The following GPC5 variants were observed in gnomAD, a reference collection of about 807,000 sequenced individuals.
The protein encoded by GPC5 is glypican 5, also known as glypican-5.
In GPC5, 47 loss-of-function variants were observed where a neutral mutation model predicts 53.9. That is an observed-to-expected ratio of 0.87 (90% CI 0.69 to 1.11). GPC5 has a LOEUF of 1.11. Among genes scored for constraint, GPC5 ranks in the 50% most tolerant of loss-of-function variants. The pLI is 0.00. For synonymous variants in GPC5, 286 were observed against 263.3 expected, an observed-to-expected ratio of 1.09 and a Z score of -0.84; for missense variants, 748 against 713.1, an observed-to-expected ratio of 1.05 and a Z score of -0.56.
intron 2 of GPC5, among the ~76,000 whole-genome samples, chr13:91,644,514 G>T (rs1279456258): frequency 2.0e-5 from 3 of 152,090 alleles, no homozygotes; most frequent in Non-Finnish European, 4.4e-5. Context: ...TTCATTTTCA[G>T]TTTTCTGTGA....
At position 91,756,653 on chromosome 13, in the gene GPC5, A is replaced by G. The variant is rs546271536; in HGVS notation, c.1280+233A>G. 2.8e-4 allele frequency among the ~76,000 whole-genome samples: 42 copies of G among 151,910 alleles called. 1 individual carries two copies. The South Asian group carries it at 6.0e-3, about 22-fold the overall frequency. ...ATTTTGAAAGTCTTCTCTTTTACCT[A>G]TCTATGACTTACCAACAATCCTACT... On this transcript the variant is annotated intron_variant, in intron 5 of 7. Coordinates refer to ENST00000377067, the MANE Select transcript of GPC5 (RefSeq NM_004466.6).
intron 2 of GPC5, among the ~76,000 whole-genome samples, chr13:91,658,867 C>T (rs1416250429): frequency 6.6e-6 from 1 of 152,014 alleles, no homozygotes; most frequent in African/African-American, 2.4e-5. Flanking sequence ...CTGCTCTGAT[C>T]TTTAGATCTC....
chr13:92,741,154 C>G (rs921865285), intron 7 of GPC5, among the ~76,000 whole-genome samples: 1 of 150,242 alleles, frequency 6.7e-6, no homozygotes, highest in Non-Finnish European at 1.5e-5. Flanking sequence ...TATTGAAAGG[C>G]CTTTAAGGGG....
At chr13:91,740,701 A>G (rs2036915660) in intron 4 of GPC5, among the ~76,000 whole-genome samples, 1 of 152,318 alleles carries the variant, frequency 6.6e-6, no homozygotes, top group Admixed American at 6.5e-5. Flanking sequence ...CCAGCAAAGC[A>G]TCACAATTTT....
chr13:92,127,676 G>C (rs567446737), intron 6 of GPC5, among the ~76,000 whole-genome samples: 1 of 152,300 alleles, frequency 6.6e-6, no homozygotes, highest in African/African-American at 2.4e-5. Flanking sequence ...GCCTAGTACA[G>C]GGACATGAAC....
intron 2 of GPC5, among the ~76,000 whole-genome samples, chr13:91,626,123 T>C (rs956800328): frequency 3.3e-5 from 5 of 152,122 alleles, no homozygotes; most frequent in African/African-American, 7.2e-5. Context: ...TGTTTTTCTT[T>C]TTTACCTAAA....
intron 3 of GPC5, among the ~76,000 whole-genome samples, chr13:91,702,667 C>G (rs1008839924): frequency 1.3e-5 from 2 of 151,748 alleles, no homozygotes; most frequent in African/African-American, 4.8e-5. Context: ...TTCTCTATTT[C>G]TGTGAAAAAT....
intron 6 of GPC5, among the ~76,000 whole-genome samples, chr13:91,929,277 A>G (rs1258432019): frequency 6.6e-6 from 1 of 152,160 alleles, no homozygotes; most frequent in African/African-American, 2.4e-5. Flanking sequence ...CTCACAGATT[A>G]TGCATATGTC....
At chr13:92,335,918 C>A (rs2043319627) in intron 7 of GPC5, among the ~76,000 whole-genome samples, 1 of 152,146 alleles carries the variant, frequency 6.6e-6, no homozygotes, top group African/African-American at 2.4e-5. Flanking sequence ...CCCTCCAAGT[C>A]TCTATGAAGT....
chr13:91,835,821 C>T (rs2038717971), intron 5 of GPC5, among the ~76,000 whole-genome samples: 1 of 151,950 alleles, frequency 6.6e-6, no homozygotes, highest in African/African-American at 2.4e-5. Context: ...CGTCATGGCA[C>T]GTGTATACCT....
intron 7 of GPC5, among the ~76,000 whole-genome samples, chr13:92,654,385 T>G (rs535444313): frequency 8.6e-4 from 131 of 152,328 alleles, no homozygotes; most frequent in Admixed American, 1.5e-3. Flanking sequence ...ATTGTTTGAC[T>G]TCCATGAACA....
chr13:91,890,144 G>T (rs7994873), intron 5 of GPC5, among the ~76,000 whole-genome samples: 43,460 of 152,000 alleles, frequency 0.29, 8,105 homozygotes, highest in African/African-American at 0.53. Flanking sequence ...CCATTCCAAG[G>T]TTGGACAGGA....
chr13:92,118,786 G>A (rs1206125715), intron 6 of GPC5, among the ~76,000 whole-genome samples: 5 of 152,156 alleles, frequency 3.3e-5, no homozygotes, highest in Non-Finnish European at 7.4e-5. Flanking sequence ...TCAATCAGTA[G>A]GAGAAATAGG....
At chr13:92,122,968 A>G (rs1356314005) in intron 6 of GPC5, among the ~76,000 whole-genome samples, 3 of 152,144 alleles carry the variant, frequency 2.0e-5, no homozygotes, top group Non-Finnish European at 2.9e-5. Context: ...TGTATGTTCC[A>G]ATCACATTGA....
intron 1 of GPC5, among the ~76,000 whole-genome samples, chr13:91,431,921 G>T (rs186821104): frequency 2.0e-5 from 3 of 152,304 alleles, no homozygotes; most frequent in Admixed American, 2.0e-4. Context: ...TAGATCAGTT[G>T]AAGCAAATCG....
chr13:92,060,516 A>G (rs2041114015), intron 6 of GPC5, among the ~76,000 whole-genome samples: 1 of 152,070 alleles, frequency 6.6e-6, no homozygotes, highest in Non-Finnish European at 1.5e-5. Context: ...AATCTCTTTA[A>G]GCATAAGTTA....
At chr13:92,341,462 A>T (rs1004332926) in intron 7 of GPC5, among the ~76,000 whole-genome samples, 6 of 152,144 alleles carry the variant, frequency 3.9e-5, no homozygotes, top group African/African-American at 1.4e-4. Context: ...TTAATCTATA[A>T]GATTAAATGA....
intron 7 of GPC5, among the ~76,000 whole-genome samples, chr13:92,723,019 T>C (rs779167653): frequency 3.3e-4 from 50 of 151,828 alleles, no homozygotes; most frequent in African/African-American, 1.2e-3. Context: ...ATGATGTGGA[T>C]TTTGAAATAG....
chr13:92,562,272 C>A (rs1464865343), intron 7 of GPC5, among the ~76,000 whole-genome samples: 1 of 152,052 alleles, frequency 6.6e-6, no homozygotes, highest in Non-Finnish European at 1.5e-5. Flanking sequence ...CCCAGGCACA[C>A]CACCACTTCC....
Sources: allele counts gnomAD v4.1 joint callset (sites outside exome capture counted in the v4.1 genomes callset), GRCh38; gene constraint gnomAD v4.1.1; transcripts MANE v1.5; gene names NCBI Gene and HGNC (gene_info 2026-07-23, HGNC 2026-07-21).